RIPK2: variants seen among roughly 807,000 people sequenced by gnomAD.
RIPK2 encodes the protein receptor interacting serine/threonine kinase 2.
A neutral mutation model predicts 60.9 loss-of-function variants in RIPK2; 38 were observed. The ratio of observed to expected loss-of-function variants is 0.62; its 90% CI spans 0.48 to 0.82. The LOEUF (loss-of-function observed/expected upper bound fraction) is 0.82. RIPK2 is among the 40% of genes least tolerant of loss of function. RIPK2 has a pLI of 0.00. For missense variants in RIPK2, 518 were observed against 647.0 expected (o/e 0.80, Z 2.16); for synonymous variants, 225 against 223.4 (o/e 1.01, Z -0.06).
chr8:89,786,587 CT>C lies in RIPK2; in HGVS notation c.1030-3del. 1 of 1,490,820 alleles carries C rather than the reference CT, an allele frequency of 6.7e-7. No homozygotes were observed. The highest frequency in any genetic ancestry group is 9.3e-7 in the Non-Finnish European group (1 of 1,078,942). 92.3% of individuals were successfully genotyped at this position (1,490,820 alleles called of 1,614,324 possible). On this transcript the variant is annotated splice_polypyrimidine_tract_variant and splice_region_variant and intron_variant, in intron 8 of 10. Transcript: ENST00000220751. Reference sequence around the variant, plus strand: ...ACCTAAACCCTTTATTTTTTATTTACTTTAGGAATCATGTGGATCCTCTCAG... The same window carrying C: ...ACCTAAACCCTTTATTTTTTATTTACTTAGGAATCATGTGGATCCTCTCAG...
At chr8:89,769,998 G>A (rs28565967) in intron 4 of RIPK2, 69 bp downstream of exon 4, 158,198 of 1,252,164 alleles carry the variant, frequency 0.13, 12,554 homozygotes, top group African/African-American at 0.4. Flanking sequence ...CCAGAATTTT[G>A]AAGCTACATT....
chr8:89,781,562 C>T (rs1809501295), intron 7 of RIPK2, among the ~76,000 whole-genome samples: 1 of 151,784 alleles, frequency 6.6e-6, no homozygotes, highest in Admixed American at 6.6e-5. Context: ...TTTTTCCACT[C>T]AGGATTGTTC....
Position 89,758,772 on chromosome 8 carries a change from T to TA in RIPK2, c.173+546dup, listed in dbSNP as rs1417985607. Among the ~76,000 whole-genome samples, 4 of 152,142 alleles carry TA rather than the reference T, an allele frequency of 2.6e-5. No individual in the cohort carries two copies. In the South Asian group the frequency reaches 6.2e-4, roughly 24 times the overall value. On this transcript the variant is annotated intron_variant, in intron 1 of 10. Coordinates refer to ENST00000220751, the MANE Select transcript of RIPK2 (RefSeq NM_003821.6). ...CAGAGTTCGAATGCTTAGTATTTATTAAAAAAAGAACTTATAATATTTTAT... is the reference window on the plus strand; with the variant it reads ...CAGAGTTCGAATGCTTAGTATTTATTAAAAAAAAGAACTTATAATATTTTAT...
chr8:89,782,943 C>T (rs961706261), intron 7 of RIPK2, among the ~76,000 whole-genome samples: 1 of 152,112 alleles, frequency 6.6e-6, no homozygotes, highest in Non-Finnish European at 1.5e-5. Context: ...ATTTTATAAG[C>T]AGAGGAAAAC....
At chr8:89,786,538 A>G in intron 8 of RIPK2, 55 bp from the exon 9 acceptor site, 1 of 1,006,506 alleles carries the variant, frequency 9.9e-7, no homozygotes, top group Non-Finnish European at 1.5e-6. Flanking sequence ...CTATTTAGAA[A>G]TTAAAGCTCG....
chr8:89,787,985 G>T (rs538965382), intron 9 of RIPK2, among the ~76,000 whole-genome samples: 1 of 152,218 alleles, frequency 6.6e-6, no homozygotes, highest in South Asian at 2.1e-4. Flanking sequence ...GAAAAAAGAG[G>T]TAAAGCCAAA....
At chr8:89,760,980 A>G (rs1809135211) in intron 1 of RIPK2, among the ~76,000 whole-genome samples, 1 of 152,198 alleles carries the variant, frequency 6.6e-6, no homozygotes, top group Non-Finnish European at 1.5e-5. Flanking sequence ...TTTAATTAAA[A>G]TGGGTCTCAC....
At position 89,757,854 on chromosome 8, in the gene RIPK2, A is replaced by T; in HGVS notation, c.-207A>T. On this transcript the variant is annotated 5_prime_UTR_variant, in exon 1 of 11. Transcript: ENST00000220751. ...ACGGCGTTGGCACCAGTCTCTAGAAAAGAAGTCAGCTCTGGTTCGGAGAAG... is the reference window on the plus strand; with the variant it reads ...ACGGCGTTGGCACCAGTCTCTAGAATAGAAGTCAGCTCTGGTTCGGAGAAG... The T allele has an allele frequency of 8.3e-6, 11 of 1,329,432 alleles. No homozygotes were observed. Among genetic ancestry groups the T allele is most frequent in the Non-Finnish European group, 1.1e-5 (11 of 1,040,298 alleles). The allele number at this position is 1,329,432 out of a possible 1,614,324, so 82.4% of individuals were successfully genotyped here.
chr8:89,772,653 A>G lies in RIPK2; in HGVS notation c.692-14A>G, dbSNP rs754622392. ...AATATATTACTAATGAATGCAATCT[A>G]TTTGTTTTGACAGATGTCACCAATC... On this transcript the variant is annotated splice_polypyrimidine_tract_variant and intron_variant, in intron 5 of 10. Coordinates refer to ENST00000220751, the MANE Select transcript of RIPK2 (RefSeq NM_003821.6). 1.2e-5 allele frequency: 19 copies of G among 1,570,918 alleles called. No homozygotes were observed. Among genetic ancestry groups the G allele is most frequent in the African/African-American group, 4.1e-5 (3 of 73,332 alleles).
At chr8:89,775,344 G>C (rs1809379327) in intron 6 of RIPK2, among the ~76,000 whole-genome samples, 2 of 152,164 alleles carry the variant, frequency 1.3e-5, no homozygotes, top group African/African-American at 4.8e-5. Flanking sequence ...CCAGCTACTT[G>C]GGAGGCTGAG....
At chr8:89,772,573 A>G (rs1809331622) in intron 5 of RIPK2, 94 bp from the exon 6 acceptor site, 3 of 895,448 alleles carry the variant, frequency 3.4e-6, no homozygotes, top group East Asian at 2.8e-5. Context: ...TAAAATTTCA[A>G]TATTCACTTA....
intron 3 of RIPK2, among the ~76,000 whole-genome samples, chr8:89,766,751 G>A (rs1809236351): frequency 6.6e-6 from 1 of 151,584 alleles, no homozygotes; most frequent in South Asian, 2.1e-4. Flanking sequence ...TTTCCTAACT[G>A]CTAATGATAT....
At chr8:89,778,812 C>T (rs1027202089) in intron 6 of RIPK2, among the ~76,000 whole-genome samples, 7 of 152,098 alleles carry the variant, frequency 4.6e-5, no homozygotes, top group Admixed American at 2.0e-4. Flanking sequence ...TTTCATTTCT[C>T]TTGGTTAATT....
intron 2 of RIPK2, 68 bp downstream of exon 2, chr8:89,763,050 T>G (rs185738802): frequency 9.5e-7 from 1 of 1,052,718 alleles, no homozygotes; most frequent in Non-Finnish European, 1.3e-6. Flanking sequence ...TTTACTTTGA[T>G]TTTATATTTG....
rs546698805 is a variant in RIPK2 at position 89,761,538 on chromosome 8, C to G, written c.174-1291C>G. On this transcript the variant is annotated intron_variant, in intron 1 of 10. Transcript: ENST00000220751. Reference sequence around the variant, plus strand: ...GACTTTCAAACTCTACCACTTTCTACTAATCCTACATCTTGTTGCCAAATT... The same window carrying G: ...GACTTTCAAACTCTACCACTTTCTAGTAATCCTACATCTTGTTGCCAAATT... Among the ~76,000 whole-genome samples the G allele has an allele frequency of 2.0e-5, 3 of 152,192 alleles. 1 individual carries two copies. In the South Asian group the frequency reaches 6.2e-4, roughly 32 times the overall value.
intron 2 of RIPK2, among the ~76,000 whole-genome samples, chr8:89,763,199 T>A (rs1380335794): frequency 2.6e-5 from 4 of 152,162 alleles, no homozygotes; most frequent in Non-Finnish European, 5.9e-5. Flanking sequence ...TTATTTTGCC[T>A]GGGTTACCAT....
At chr8:89,781,846 C>T (rs184298771) in intron 7 of RIPK2, among the ~76,000 whole-genome samples, 1 of 152,236 alleles carries the variant, frequency 6.6e-6, no homozygotes, top group African/African-American at 2.4e-5. Flanking sequence ...AATATATTAA[C>T]AATAACCGAT....
At chr8:89,767,210 G>A (rs1010260267) in intron 3 of RIPK2, among the ~76,000 whole-genome samples, 1 of 151,672 alleles carries the variant, frequency 6.6e-6, no homozygotes, top group Non-Finnish European at 1.5e-5. Context: ...ACTGGCTATT[G>A]TGATTTCACA....
At chr8:89,770,219 G>A (rs573760385) in intron 4 of RIPK2, among the ~76,000 whole-genome samples, 6 of 151,912 alleles carry the variant, frequency 3.9e-5, no homozygotes, top group South Asian at 4.1e-4. Context: ...TGGAAATGCA[G>A]AGGGAAACAG....
Sources: allele counts gnomAD v4.1 joint callset (sites outside exome capture counted in the v4.1 genomes callset), GRCh38; gene constraint gnomAD v4.1.1; transcripts MANE v1.5; gene names NCBI Gene and HGNC (gene_info 2026-07-23, HGNC 2026-07-21).